TTC28: variants seen among roughly 807,000 people sequenced by gnomAD.
The protein encoded by TTC28 is tetratricopeptide repeat domain 28.
TTC28 carries 61 observed loss-of-function variants against 198.0 expected under a neutral mutation model. The observed-to-expected ratio is 0.31, with a 90% CI of 0.25 to 0.38. TTC28 has a LOEUF of 0.38. TTC28 is among the 10% of genes least tolerant of loss of function. The pLI, the probability that TTC28 is intolerant of heterozygous loss-of-function variation, is 1.00. For synonymous variants in TTC28, 1,171 were observed against 1,297.8 expected (o/e 0.90, Z 2.10); for missense variants, 2,678 against 3,164.0 (o/e 0.85, Z 3.69).
chr22:28,339,640 C>T (rs2045795409), intron 2 of TTC28, among the ~76,000 whole-genome samples: 1 of 152,212 alleles, frequency 6.6e-6, no homozygotes, highest in Non-Finnish European at 1.5e-5. Context: ...TGATCTCAGA[C>T]TGCTGTGCTA....
chr22:28,585,490 T>C (rs2050300745), intron 2 of TTC28, among the ~76,000 whole-genome samples: 2 of 152,178 alleles, frequency 1.3e-5, no homozygotes, highest in South Asian at 2.1e-4. Context: ...CAGGCAGTAA[T>C]GCAAGCGATA....
At chr22:28,133,767 A>C (rs961730767) in intron 6 of TTC28, among the ~76,000 whole-genome samples, 2 of 152,214 alleles carry the variant, frequency 1.3e-5, no homozygotes, top group African/African-American at 4.8e-5. Flanking sequence ...CTGCCTCTGT[A>C]GACTCCACCT....
At chr22:28,442,222 G>A (rs1272509689) in intron 2 of TTC28, among the ~76,000 whole-genome samples, 5 of 152,106 alleles carry the variant, frequency 3.3e-5, no homozygotes, top group Non-Finnish European at 5.9e-5. Context: ...CACACACGCT[G>A]GTGCACGCTG....
intron 2 of TTC28, among the ~76,000 whole-genome samples, chr22:28,434,458 C>A (rs926266321): frequency 6.6e-6 from 1 of 152,052 alleles, no homozygotes; most frequent in Non-Finnish European, 1.5e-5. Flanking sequence ...CTGAGACAGG[C>A]GGATCATTTG....
intron 6 of TTC28, among the ~76,000 whole-genome samples, chr22:28,129,650 T>C (rs1274933350): frequency 2.6e-5 from 4 of 152,218 alleles, no homozygotes; most frequent in Admixed American, 6.5e-5. Context: ...GCGCACAGTG[T>C]AGACTTAAAG....
chr22:28,671,098 C>A (rs182698767), intron 1 of TTC28, among the ~76,000 whole-genome samples: 1 of 151,890 alleles, frequency 6.6e-6, no homozygotes, highest in Non-Finnish European at 1.5e-5. Context: ...CAAGTGATCA[C>A]GGGCTAACAT....
At chr22:28,607,531 A>G (rs935880963) in intron 2 of TTC28, among the ~76,000 whole-genome samples, 1 of 152,204 alleles carries the variant, frequency 6.6e-6, no homozygotes, top group Admixed American at 6.5e-5. Flanking sequence ...TAATTACATA[A>G]GACAATTTTA....
At chr22:28,593,660 T>C (rs2050480959) in intron 2 of TTC28, among the ~76,000 whole-genome samples, 1 of 151,314 alleles carries the variant, frequency 6.6e-6, no homozygotes, top group Admixed American at 6.6e-5. Context: ...GCTAGAAGAA[T>C]AGAAGGAAAA....
At position 28,635,092 on chromosome 22, in the gene TTC28, C is replaced by T. The variant is rs528522471; in HGVS notation, c.103-5262G>A. Among the ~76,000 whole-genome samples the T allele has an allele frequency of 4.6e-5, 7 of 152,164 alleles. No homozygotes were observed. The East Asian group carries it at 7.8e-4, about 17-fold the overall frequency. Reference sequence around the variant, plus strand: ...ATCCCAACACTTTGGGAGGCTGAGGCGGGCGGATCACGAGGTCAGGAGATC... The same window carrying T: ...ATCCCAACACTTTGGGAGGCTGAGGTGGGCGGATCACGAGGTCAGGAGATC... On this transcript the variant is annotated intron_variant, in intron 1 of 22. Transcript: ENST00000397906.
chr22:28,563,528 A>C (rs567102518), intron 2 of TTC28, among the ~76,000 whole-genome samples: 60 of 152,312 alleles, frequency 3.9e-4, no homozygotes, highest in African/African-American at 1.4e-3. Context: ...GATAAACAGC[A>C]ACAAGCACAT....
chr22:28,079,232 A>G (rs964413080), intron 12 of TTC28, among the ~76,000 whole-genome samples: 3 of 152,234 alleles, frequency 2.0e-5, no homozygotes, highest in Non-Finnish European at 4.4e-5. Context: ...AGGGAGAAGG[A>G]GAAGACAGAT....
intron 2 of TTC28, among the ~76,000 whole-genome samples, chr22:28,357,856 C>T (rs1413502975): frequency 6.6e-6 from 1 of 152,092 alleles, no homozygotes; most frequent in Non-Finnish European, 1.5e-5. Flanking sequence ...CAACACCACG[C>T]TACACTGGGA....
chr22:28,234,696 T>C (rs543016155), intron 5 of TTC28, among the ~76,000 whole-genome samples: 2 of 152,294 alleles, frequency 1.3e-5, no homozygotes, highest in South Asian at 4.1e-4. Flanking sequence ...TTAAACACTA[T>C]ACAGAATTAG....
intron 2 of TTC28, among the ~76,000 whole-genome samples, chr22:28,317,631 G>C (rs527344989): frequency 6.6e-6 from 1 of 152,110 alleles, no homozygotes; most frequent in Admixed American, 6.5e-5. Context: ...CTACATAATG[G>C]GATTGCTCTC....
At chr22:28,540,318 G>C (rs2049385469) in intron 2 of TTC28, among the ~76,000 whole-genome samples, 1 of 152,158 alleles carries the variant, frequency 6.6e-6, no homozygotes, top group Non-Finnish European at 1.5e-5. Flanking sequence ...AGAAGCAAGA[G>C]AGAGAGAGTT....
chr22:28,555,946 T>G lies in TTC28; in HGVS notation c.381+73606A>C, dbSNP rs76266633. ...TTACATTTATCCACATGTTTACTAA[T>G]TTTGTTGCTCATCATCATATATCAG... On this transcript the variant is annotated intron_variant, in intron 2 of 22. Transcript: ENST00000397906. Among the ~76,000 whole-genome samples the G allele has an allele frequency of 8.6e-3, 1,313 of 152,314 alleles. 19 individuals carry two copies. Among genetic ancestry groups the G allele is most frequent in the African/African-American group, 0.03 (1,253 of 41,564 alleles).
intron 2 of TTC28, among the ~76,000 whole-genome samples, chr22:28,583,049 A>G (rs1464344151): frequency 2.0e-5 from 3 of 152,154 alleles, no homozygotes; most frequent in Non-Finnish European, 2.9e-5. Context: ...CCATAGTTAC[A>G]TGACGACACA....
At chr22:28,125,975 C>T (rs2146951497) in intron 6 of TTC28, among the ~76,000 whole-genome samples, 1 of 152,210 alleles carries the variant, frequency 6.6e-6, no homozygotes, top group Non-Finnish European at 1.5e-5. Context: ...CTTAGAGGAT[C>T]TGGAAAAAAT....
chr22:28,310,175 A>ACACACACAC (rs66509137), intron 2 of TTC28, among the ~76,000 whole-genome samples: 1,492 of 123,632 alleles, frequency 0.012, 15 homozygotes, highest in Non-Finnish European at 0.015. Flanking sequence ...CACACACACA[A>ACACACACAC]AAAACAAGAC....
Sources: gnomAD v4.1 joint callset for allele counts (sites outside exome capture counted in the v4.1 genomes callset) on GRCh38, gnomAD v4.1.1 for gene constraint, MANE v1.5 for transcripts, NCBI Gene and HGNC (gene_info 2026-07-23, HGNC 2026-07-21) for gene names.